APC: variants seen among roughly 807,000 people sequenced by gnomAD.
APC encodes the protein adenomatous polyposis coli protein.
APC carries 72 observed loss-of-function variants against 247.0 expected under a neutral mutation model. The ratio of observed to expected loss-of-function variants is 0.29; its 90% confidence interval spans 0.24 to 0.35. APC has a LOEUF of 0.35. Among genes scored for constraint, APC ranks in the 10% least tolerant of loss-of-function variants. The pLI is 1.00. For missense variants in APC, 3,400 were observed against 3,360.7 expected, an observed-to-expected ratio of 1.01 and a Z score of -0.29; for synonymous variants, 1,254 against 1,162.5, an observed-to-expected ratio of 1.08 and a Z score of -1.60.
intron 7 of APC, among the ~76,000 whole-genome samples, chr5:112,794,723 G>A (rs1760016507): frequency 6.6e-6 from 1 of 152,132 alleles, no homozygotes; most frequent in African/African-American, 2.4e-5. Context: ...TCCCACCTCA[G>A]ATGCCAGCCA....
chr5:112,828,576 C>G (rs1763965478), intron 13 of APC, among the ~76,000 whole-genome samples: 1 of 151,756 alleles, frequency 6.6e-6, no homozygotes, highest in Non-Finnish European at 1.5e-5. Context: ...TCCCAAGTAG[C>G]TAGAACTACT....
At chr5:112,717,665 G>T (rs1751245824) in intron 1 of APC, among the ~76,000 whole-genome samples, 1 of 151,958 alleles carries the variant, frequency 6.6e-6, no homozygotes, top group African/African-American at 2.4e-5. Context: ...TTGTTTGGCT[G>T]CTTTTGAGAT....
chr5:112,784,126 G>A (rs1758685441), intron 6 of APC, among the ~76,000 whole-genome samples: 1 of 152,148 alleles, frequency 6.6e-6, no homozygotes, highest in Non-Finnish European at 1.5e-5. Flanking sequence ...GGAGTGCAGT[G>A]GTTTGATTTC....
rs756875223 is a variant in APC at position 112,843,602 on chromosome 5, A to C, written c.8008A>C (p.Arg2670=). The change falls in exon 16 of 16, where the codon AGA becomes CGA. Residue 2670 remains arginine, a synonymous_variant. Transcript: ENST00000257430. The surrounding 1 kb of genome is among the most constrained non-coding windows in gnomAD (Gnocchi z 4.8). The stretch of plus-strand genomic sequence containing the variant: ...TGAGGACTGTCCCATTAACAATCCT[A>C]GATCTGGAAGATCTCCCACAGGTAA... ...RIEDCPINNP[R]SGRSPTGNTP... The C allele has an allele frequency of 2.0e-5, 32 of 1,613,890 alleles. No individual in the cohort carries two copies. The highest frequency in any genetic ancestry group is 2.6e-5 in the Non-Finnish European group (31 of 1,179,920).
intron 9 of APC, among the ~76,000 whole-genome samples, chr5:112,818,361 T>C (rs1486197629): frequency 6.6e-6 from 1 of 152,206 alleles, no homozygotes; most frequent in Non-Finnish European, 1.5e-5. Flanking sequence ...TTTAAAAAAC[T>C]GACTACAAAT....
intron 6 of APC, among the ~76,000 whole-genome samples, chr5:112,786,891 T>C (rs1259746342): frequency 1.9e-4 from 21 of 107,816 alleles, no homozygotes; most frequent in African/African-American, 4.8e-4. Context: ...TTTTTCTTTT[T>C]TTTTTTTTTT....
intron 5 of APC, chr5:112,777,898 C>A (rs774670988): frequency 2.2e-4 from 44 of 204,576 alleles, no homozygotes; most frequent in Non-Finnish European, 4.3e-4. Flanking sequence ...TCATCAGATT[C>A]ACTGTCAGAT....
At chr5:112,738,819 G>A (rs75329700) in intron 1 of APC, among the ~76,000 whole-genome samples, 1 of 152,186 alleles carries the variant, frequency 6.6e-6, no homozygotes, top group African/African-American at 2.4e-5. Context: ...TTTTGTCATT[G>A]GAATGTATTG....
intron 4 of APC, 135 bp downstream of exon 4, chr5:112,767,525 G>C (rs1580330334): frequency 2.9e-6 from 2 of 691,372 alleles, no homozygotes; most frequent in Non-Finnish European, 4.8e-6. Context: ...TAAACTCAAA[G>C]ATAGCATGTT....
intron 1 of APC, among the ~76,000 whole-genome samples, chr5:112,714,433 G>A (rs900773872): frequency 7.9e-5 from 12 of 152,088 alleles, no homozygotes; most frequent in African/African-American, 2.7e-4. Context: ...ACACAAAACT[G>A]GCTTAAACAA....
Position 112,838,990 on chromosome 5 carries a change from A to G in APC, c.3396A>G (p.Glu1132=), listed in dbSNP as rs1561584490. 6.2e-7 allele frequency: 1 copy of G among 1,614,178 alleles called. No individual in the cohort carries two copies. Among genetic ancestry groups the G allele is most frequent in the African/African-American group, 1.3e-5 (1 of 75,064 alleles). The change falls in exon 16 of 16, where the codon GAA becomes GAG. Residue 1132 remains glutamate (E), a synonymous_variant. Transcript: ENST00000257430. ...NQNVSQSLCQ[E]DDYEDDKPTN... ...ATGTAAGCCAGTCTTTGTGTCAAGA[A>G]GATGACTATGAAGATGATAAGCCTA... is the stretch of plus-strand genomic sequence containing the variant.
At position 112,818,828 on chromosome 5, in the gene APC, T is replaced by C. The variant is rs1490082698; in HGVS notation, c.934-138T>C. On this transcript the variant is annotated intron_variant, in intron 9 of 15. Transcript: ENST00000257430. ...ACTTCATCCTGGAAAGGTTTTCCGG[T>C]TTTTTGTTTTTTTTTTGGCGGGGGG... The C allele has an allele frequency of 9.3e-5, 85 of 911,244 alleles. 1 individual carries two copies. The highest frequency in any genetic ancestry group is 1.2e-4 in the Non-Finnish European group (75 of 619,840). The allele number at this position is 911,244 out of a possible 1,614,324, so 56.4% of individuals were successfully genotyped here.
At chr5:112,790,878 T>C (rs897359084) in intron 6 of APC, among the ~76,000 whole-genome samples, 1 of 152,246 alleles carries the variant, frequency 6.6e-6, no homozygotes, top group Admixed American at 6.5e-5. Context: ...GAAAAATGTT[T>C]GGAAATACTC....
In APC at chr5:112,760,797, A is replaced by G. The variant is rs372161314; in HGVS notation, c.136-5529A>G. Among the ~76,000 whole-genome samples the G allele has an allele frequency of 1.3e-4, 19 of 151,912 alleles. No homozygotes were observed. The East Asian group carries it at 3.1e-3, about 25-fold the overall frequency. On this transcript the variant is annotated intron_variant, in intron 2 of 15. Coordinates refer to ENST00000257430, the MANE Select transcript of APC (RefSeq NM_000038.6). ...AGTTAGTTGTGAACTTAAAATTGCAACTAGGTCTCAATCCATTTTTTTTTT... is the reference window on the plus strand; with the variant it reads ...AGTTAGTTGTGAACTTAAAATTGCAGCTAGGTCTCAATCCATTTTTTTTTT...
intron 1 of APC, among the ~76,000 whole-genome samples, chr5:112,712,291 C>T (rs1236982531): frequency 6.6e-6 from 1 of 152,120 alleles, no homozygotes; most frequent in East Asian, 1.9e-4. Flanking sequence ...CTGTATATGT[C>T]TATCTTATAT....
intron 8 of APC, among the ~76,000 whole-genome samples, chr5:112,808,840 C>T (rs994865648): frequency 2.0e-5 from 3 of 152,018 alleles, no homozygotes; most frequent in African/African-American, 7.3e-5. Context: ...TGAGAATATT[C>T]AAGAAGTAGA....
At chr5:112,725,462 GAGA>G (rs59266957) in intron 1 of APC, among the ~76,000 whole-genome samples, 2,048 of 152,152 alleles carry the variant, frequency 0.013, 57 homozygotes, top group African/African-American at 0.047. Flanking sequence ...GTTTCAAAAG[GAGA>G]AGGAGGGGCC....
intron 1 of APC, among the ~76,000 whole-genome samples, chr5:112,712,257 G>GT (rs72545070): frequency 0.41 from 61,731 of 151,902 alleles, 14,923 homozygotes; most frequent in East Asian, 0.67. Flanking sequence ...TCTTGGTTCT[G>GT]TAACTCCCTA....
Position 112,839,846 on chromosome 5 carries a change from A to G in APC, c.4252A>G (p.Ile1418Val), listed in dbSNP as rs777386397. 3.1e-6 allele frequency: 5 copies of G among 1,614,008 alleles called. No homozygotes were observed. The highest frequency in any genetic ancestry group is 3.3e-5 in the Admixed American group (2 of 59,988). The change falls in exon 16 of 16, where the codon ATA (isoleucine) becomes GTA (valine). Residue 1418 changes from isoleucine (I) to valine (V), a missense_variant. This residue lies in a region of APC where 40 missense variants were observed against 75.6 expected (regional missense o/e 0.53). Coordinates refer to ENST00000257430, the MANE Select transcript of APC (RefSeq NM_000038.6). This position sits in a 1 kb window ranked among gnomAD's most constrained non-coding sequence, Gnocchi z 5.0. ...ATGCAGTGGAATGGTAAGTGGCATTATAAGCCCCAGTGATCTTCCAGATAG... is the reference window on the plus strand; with the variant it reads ...ATGCAGTGGAATGGTAAGTGGCATTGTAAGCCCCAGTGATCTTCCAGATAG... The part of the protein sequence containing the change: ...EPCSGMVSGI[I>V]SPSDLPDSPG...
Sources: gnomAD v4.1 joint callset for allele counts (sites outside exome capture counted in the v4.1 genomes callset) on GRCh38, gnomAD v4.1.1 for gene constraint, gnomAD v4.1.1 regional missense constraint, Gnocchi (gnomAD v3.1) non-coding constraint, MANE v1.5 for transcripts, NCBI Gene and HGNC (gene_info 2026-07-23, HGNC 2026-07-21) for gene names.